Variants in CLIC5 observed in about 807,000 individuals in gnomAD.
CLIC5 encodes chloride intracellular channel protein 5.
CLIC5 carries 20 observed loss-of-function variants against 24.7 expected under a neutral mutation model. The observed-to-expected ratio is 0.81, with a 90% CI of 0.57 to 1.18. The LOEUF (loss-of-function observed/expected upper bound fraction) is 1.18. Among genes scored for constraint, CLIC5 ranks in the 50% most tolerant of loss-of-function variants. CLIC5 has a pLI of 0.00. For synonymous variants in CLIC5, 159 were observed against 135.6 expected (o/e 1.17, Z -1.20); for missense variants, 341 against 326.1 (o/e 1.05, Z -0.35).
upstream of CLIC5, among the ~76,000 whole-genome samples, chr6:46,017,034 T>C (rs1413012988): frequency 1.3e-5 from 2 of 152,236 alleles, no homozygotes; most frequent in Non-Finnish European, 2.9e-5. Context: ...TCACAGACAC[T>C]TTTCTCTTGG....
At chr6:45,952,224 TTAGC>T (rs1309838619) in intron 2 of CLIC5, among the ~76,000 whole-genome samples, 10 of 152,216 alleles carry the variant, frequency 6.6e-5, no homozygotes, top group African/African-American at 2.4e-4. Flanking sequence ...CCACCGACGC[TTAGC>T]TAGAGTTGCA....
intron 1 of CLIC5, among the ~76,000 whole-genome samples, chr6:45,976,027 T>A (rs1019390659): frequency 6.6e-6 from 1 of 151,906 alleles, no homozygotes; most frequent in African/African-American, 2.4e-5. Flanking sequence ...CCCTAAGAAG[T>A]GGGGGCTGCT....
intron 4 of CLIC5, among the ~76,000 whole-genome samples, chr6:45,933,461 C>T (rs3777568): frequency 6.6e-6 from 1 of 152,090 alleles, no homozygotes; most frequent in Non-Finnish European, 1.5e-5. Context: ...GAAAACATGG[C>T]CACTGCAGTT....
chr6:45,996,945 G>A (rs1766165315), intron 1 of CLIC5, among the ~76,000 whole-genome samples: 1 of 152,078 alleles, frequency 6.6e-6, no homozygotes, highest in Non-Finnish European at 1.5e-5. Flanking sequence ...AGTCAGTGTG[G>A]TGATTCCTCA....
the CLIC5 span, among the ~76,000 whole-genome samples, chr6:46,112,649 T>C: frequency 1.9e-4 from 29 of 152,232 alleles, no homozygotes; most frequent in African/African-American, 6.3e-4. Context: ...AGAGATTTAA[T>C]GAATATGGGG....
At position 46,079,886 on chromosome 6, in the gene CLIC5, G is replaced by A. The variant is rs1177843926; in HGVS notation, c.357C>T (p.Leu119=). ...CATTCTCCTGGAGTTCTGCTGCGCA[G>A]AGTTGCTGGTCCTGGGTTGATGAAT... The change falls in exon 1 of 6, where the codon CTC becomes CTT. Residue 119 remains leucine, a synonymous_variant. Transcript: ENST00000185206. 1 of 1,551,968 alleles carries A rather than the reference G, an allele frequency of 6.4e-7. No homozygotes were observed. Among genetic ancestry groups the A allele is most frequent in the East Asian group, 2.4e-5 (1 of 40,938 alleles).
At chr6:46,068,579 T>C (rs1443704845) in intron 1 of CLIC5, among the ~76,000 whole-genome samples, 1 of 152,168 alleles carries the variant, frequency 6.6e-6, no homozygotes, top group East Asian at 1.9e-4. Context: ...ATGGCCCGAA[T>C]TGTATACATA....
intron 1 of CLIC5, among the ~76,000 whole-genome samples, chr6:46,010,125 G>A (rs1323969326): frequency 6.6e-6 from 1 of 152,168 alleles, no homozygotes; most frequent in African/African-American, 2.4e-5. Context: ...ATGACGACCT[G>A]CTTTGGAAAC....
chr6:45,934,716 A>T (rs1763868454), intron 4 of CLIC5, among the ~76,000 whole-genome samples: 1 of 152,256 alleles, frequency 6.6e-6, no homozygotes. Context: ...AGGCATAGGC[A>T]TGCCTACTTC....
At position 45,899,388 on chromosome 6, in the gene CLIC5, C is replaced by T. The variant is rs1001478391; in HGVS notation, c.*3700G>A. ...AGGATGACACCAGCATCTTGATTCA[C>T]CGTGCAGTTGAGATGGCCCCTGGCC... is the stretch of plus-strand genomic sequence containing the variant. On this transcript the variant is annotated 3_prime_UTR_variant, in exon 6 of 6. Coordinates refer to ENST00000339561, the MANE Select transcript of CLIC5 (RefSeq NM_016929.5). 1 of 152,230 alleles carries T rather than the reference C, an allele frequency of 6.6e-6. No homozygotes were observed. Among genetic ancestry groups the T allele is most frequent in the African/African-American group, 2.4e-5 (1 of 41,458 alleles). The allele number at this position is 152,230 out of a possible 1,614,324, so 9.4% of individuals were successfully genotyped here. A position where few individuals can be genotyped will look rare whatever the true frequency, so the allele number is the denominator to read the frequency against.
the CLIC5 span, among the ~76,000 whole-genome samples, chr6:46,091,876 T>C: frequency 6.6e-6 from 1 of 152,314 alleles, no homozygotes; most frequent in African/African-American, 2.4e-5. Flanking sequence ...ATATAGCCAG[T>C]AGAGGAATTA....
intron 1 of CLIC5, among the ~76,000 whole-genome samples, chr6:46,074,353 A>G (rs1762708699): frequency 6.6e-6 from 1 of 152,206 alleles, no homozygotes; most frequent in Non-Finnish European, 1.5e-5. Flanking sequence ...CTATAACCAC[A>G]TCAGGCACCT....
chr6:46,127,662 C>A, the CLIC5 span, among the ~76,000 whole-genome samples: 1 of 152,168 alleles, frequency 6.6e-6, no homozygotes, highest in Non-Finnish European at 1.5e-5. Context: ...GGCTTCCCAG[C>A]ACCCATTCCA....
intron 1 of CLIC5, among the ~76,000 whole-genome samples, chr6:45,994,243 T>C (rs1217704767): frequency 6.6e-6 from 1 of 152,118 alleles, no homozygotes; most frequent in African/African-American, 2.4e-5. Context: ...GGGCATTTAT[T>C]TACCCGTTGA....
chr6:45,977,101 T>C (rs1416168), intron 1 of CLIC5, among the ~76,000 whole-genome samples: 40,989 of 152,094 alleles, frequency 0.27, 6,646 homozygotes, highest in Middle Eastern at 0.43. Context: ...ATATTTGTAA[T>C]AAATATTTAT....
chr6:45,908,574 T>C (rs1762725468), intron 5 of CLIC5, among the ~76,000 whole-genome samples: 1 of 152,210 alleles, frequency 6.6e-6, no homozygotes, highest in Non-Finnish European at 1.5e-5. Context: ...CATGTAATTG[T>C]GTGATTTTGA....
At chr6:46,099,693 T>C in the CLIC5 span, among the ~76,000 whole-genome samples, 2 of 152,186 alleles carry the variant, frequency 1.3e-5, no homozygotes, top group East Asian at 1.9e-4. Context: ...TCTAGTTCTG[T>C]AGTAAAATAG....
chr6:45,902,858 C>T lies in CLIC5; in HGVS notation c.*230G>A, dbSNP rs144028354. 42 of 541,054 alleles carry T rather than the reference C, an allele frequency of 7.8e-5. No homozygotes were observed. Among genetic ancestry groups the T allele is most frequent in the Non-Finnish European group, 1.1e-4 (33 of 307,856 alleles). The allele number at this position is 541,054 out of a possible 1,614,324, so 33.5% of individuals were successfully genotyped here. ...CTGAGCCCAGATCAGGCTGGCCGGC[C>T]GAAAGGTGGACTGTGTCTATCATTT... is the stretch of plus-strand genomic sequence containing the variant. On this transcript the variant is annotated 3_prime_UTR_variant, in exon 6 of 6. Coordinates refer to ENST00000339561, the MANE Select transcript of CLIC5 (RefSeq NM_016929.5).
chr6:46,007,617 A>G (rs3777622), intron 1 of CLIC5, among the ~76,000 whole-genome samples: 39,846 of 152,110 alleles, frequency 0.26, 5,698 homozygotes, highest in East Asian at 0.42. Flanking sequence ...ATGCAGCCGT[A>G]ATAGCAATGG....
Sources: gnomAD v4.1 joint callset for allele counts (sites outside exome capture counted in the v4.1 genomes callset) on GRCh38, gnomAD v4.1.1 for gene constraint, MANE v1.5 for transcripts, NCBI Gene and HGNC (gene_info 2026-07-23, HGNC 2026-07-21) for gene names.